The following NEB variants were observed in gnomAD, a reference collection of about 807,000 sequenced individuals.
The protein encoded by NEB is nemaline myopathy type 2.
NEB carries 512 observed loss-of-function variants against 952.2 expected under a neutral mutation model. The ratio of observed to expected loss-of-function variants is 0.54; its 90% CI spans 0.50 to 0.58. The LOEUF (loss-of-function observed/expected upper bound fraction) is 0.58. Ranked by LOEUF, NEB falls within the 20% of genes least tolerant of loss-of-function variation. The pLI is 0.00. For synonymous variants in NEB, 2,900 were observed against 3,149.8 expected (o/e 0.92, Z 2.66); for missense variants, 8,428 against 9,231.1 (o/e 0.91, Z 3.56).
chr2:151,524,654 CTTTTTTTT>C (rs5835371), intron 151 of NEB, 38 bp from the exon 152 acceptor site: 65 of 257,284 alleles, frequency 2.5e-4, no homozygotes, highest in South Asian at 5.4e-4. Context: ...AAGAGAGAGG[CTTTTTTTT>C]TTTTTTTTTT....
chr2:151,583,830 A>C (rs1352284971), intron 100 of NEB, 64 bp from the exon 101 acceptor site: 1 of 441,754 alleles, frequency 2.3e-6, no homozygotes, highest in Non-Finnish European at 3.9e-6. Context: ...GGGGTTTTCT[A>C]ATTTAAATGG....
In NEB at chr2:151,618,333, C is replaced by T. The variant is rs746072690; in HGVS notation, c.11018G>A (p.Ser3673Asn). 3 of 1,613,984 alleles carry T rather than the reference C, an allele frequency of 1.9e-6. No homozygotes were observed. The South Asian group carries it at 3.3e-5, about 18-fold the overall frequency. Residue 3673 changes from serine (S) to asparagine (N), a missense_variant, in exon 74 of 182, where the codon AGT (serine) becomes AAT (asparagine). By Grantham distance (46) the Ser-to-Asn change is conservative (BLOSUM62 1). This residue lies in a region of NEB where 1,772 missense variants were observed against 1,960.3 expected (regional missense o/e 0.90). Coordinates refer to ENST00000397345, the MANE Select transcript of NEB (RefSeq NM_001164508.2). ...RQRPETLKFT[S>N]ITDTPEQVLA... ...CACCTGCTCCGGAGTGTCCGTTATA[C>T]TGGTAAATTTCAGCGTTTCTGGACG...
At chr2:151,487,741 T>A (rs1237686585) in intron 181 of NEB, among the ~76,000 whole-genome samples, 1 of 152,048 alleles carries the variant, frequency 6.6e-6, no homozygotes. Context: ...GGCATGTGTG[T>A]TTAAACTTAT....
At chr2:151,517,967 CTGTT>C (rs1423731064) in intron 156 of NEB, among the ~76,000 whole-genome samples, 1 of 152,138 alleles carries the variant, frequency 6.6e-6, no homozygotes, top group East Asian at 1.9e-4. Context: ...TATCACTTCT[CTGTT>C]TGAAATCTTC....
At chr2:151,552,534 A>AGT in intron 128 of NEB, 138 bp downstream of exon 128, 1 of 606,258 alleles carries the variant, frequency 1.6e-6, no homozygotes, top group South Asian at 2.2e-5. Flanking sequence ...CAGCATCTTC[A>AGT]GTGCTTTCAA....
chr2:151,668,873 G>A (rs577091219), intron 39 of NEB, among the ~76,000 whole-genome samples, 154 bp downstream of exon 39: 6 of 151,794 alleles, frequency 4.0e-5, no homozygotes, highest in Admixed American at 6.6e-5. Flanking sequence ...TTTTATTGCC[G>A]CCCCCTAGGC....
At chr2:151,564,056 C>T in intron 117 of NEB, 126 bp from the exon 118 acceptor site, 1 of 669,934 alleles carries the variant, frequency 1.5e-6, no homozygotes, top group Non-Finnish European at 2.6e-6. Flanking sequence ...TTATCTATAG[C>T]CATTAGTGCA....
chr2:151,557,116 G>A (rs1577384951), intron 124 of NEB, among the ~76,000 whole-genome samples: 1 of 151,990 alleles, frequency 6.6e-6, no homozygotes, highest in African/African-American at 2.4e-5. Flanking sequence ...TAGATAGACT[G>A]CTAGCAAGAC....
chr2:151,686,759 A>G (rs1050978516), intron 27 of NEB, among the ~76,000 whole-genome samples: 6 of 152,208 alleles, frequency 3.9e-5, no homozygotes, highest in Non-Finnish European at 8.8e-5. Flanking sequence ...AACATTTTAT[A>G]CACAATATAT....
rs1410545490 is a variant in NEB, at chr2:151,710,416, C to T, written c.927+18G>A. 6.4e-7 allele frequency: 1 copy of T among 1,562,624 alleles called. No homozygotes were observed. The highest frequency in any genetic ancestry group is 1.2e-5 in the South Asian group (1 of 86,686). On this transcript the variant is annotated intron_variant, in intron 11 of 181. Transcript: ENST00000397345. ...CTCCCTCCCAGGATGACCAACCAGC[C>T]ATCCCTTCCCACTTAACTGTGCTAA... is the stretch of plus-strand genomic sequence containing the variant.
rs1483543704 is a variant in NEB, at chr2:151,553,846, G to A, written c.19608C>T (p.Val6536=). 20 of 1,612,782 alleles carry A rather than the reference G, an allele frequency of 1.2e-5. No homozygotes were observed. The highest frequency in any genetic ancestry group is 1.5e-5 in the Non-Finnish European group (18 of 1,179,164). ...GGCTTACATCGCTGATCTGATCTGT[G>A]ACTTTCCTGACGTGATCATTGACTT... ...DLQVNDHVRK[V]TDQISDIVYK... Residue 6536 remains valine, a synonymous_variant, in exon 126 of 182, where the codon GTC becomes GTT. Transcript: ENST00000397345.
At chr2:151,630,267 ACTT>A (rs2098637371) in intron 67 of NEB, among the ~76,000 whole-genome samples, 1 of 152,184 alleles carries the variant, frequency 6.6e-6, no homozygotes, top group Non-Finnish European at 1.5e-5. Context: ...GATAGAGAAC[ACTT>A]CTTCCTTATG....
At chr2:151,559,403 A>G (rs1363726044) in intron 124 of NEB, among the ~76,000 whole-genome samples, 1 of 152,180 alleles carries the variant, frequency 6.6e-6, no homozygotes, top group African/African-American at 2.4e-5. Flanking sequence ...AGGATCTAGA[A>G]CTAGAAATAC....
chr2:151,555,617 C>G (rs1314038674), intron 124 of NEB, among the ~76,000 whole-genome samples: 1 of 151,980 alleles, frequency 6.6e-6, no homozygotes, highest in Non-Finnish European at 1.5e-5. Context: ...TTATATAAAC[C>G]AGGTTAAGAC....
intron 160 of NEB, among the ~76,000 whole-genome samples, chr2:151,513,254 A>T (rs996470511): frequency 7.2e-5 from 11 of 152,216 alleles, no homozygotes; most frequent in African/African-American, 2.7e-4. Flanking sequence ...TAAGCAAGGA[A>T]TTCCTGGCAT....
chr2:151,547,588 T>A lies in NEB; in HGVS notation c.20262+46A>T, dbSNP rs1170435039. On this transcript the variant is annotated intron_variant, in intron 132 of 181. Coordinates refer to ENST00000397345, the MANE Select transcript of NEB (RefSeq NM_001164508.2). ...TGTATTAGAGACCGAATGATTAACA[T>A]TCATCCCTAGTCTCTACTCCCTGTC... 1.9e-6 allele frequency: 3 copies of A among 1,604,780 alleles called. No homozygotes were observed. In the African/African-American group the frequency reaches 4.0e-5, roughly 21 times the overall value.
chr2:151,485,805 A>T lies in NEB; in HGVS notation c.25533T>A (p.Thr8511=), dbSNP rs767629927. The change falls in exon 182 of 182, where the codon ACT becomes ACA. Residue 8511 remains threonine, a synonymous_variant. Coordinates refer to ENST00000397345, the MANE Select transcript of NEB (RefSeq NM_001164508.2). ...EGWMYGTVQR[T]GRTGMLPANY... ...TGGCTGGGAGCATTCCGGTCCTGCCAGTCCTCTGCACAGTGCCATACATCC... is the reference window on the plus strand; with the variant it reads ...TGGCTGGGAGCATTCCGGTCCTGCCTGTCCTCTGCACAGTGCCATACATCC... The T allele has an allele frequency of 6.2e-7, 1 of 1,613,708 alleles. No homozygotes were observed. The highest frequency in any genetic ancestry group is 8.5e-7 in the Non-Finnish European group (1 of 1,179,660).
Position 151,485,600 on chromosome 2 carries a change from T to C in NEB, c.*160A>G, listed in dbSNP as rs186312965. On this transcript the variant is annotated 3_prime_UTR_variant, in exon 182 of 182. Coordinates refer to ENST00000397345, the MANE Select transcript of NEB (RefSeq NM_001164508.2). ...TTTAAAGTGTCTGTTCTGCAACTTA[T>C]TTTAAAACCCAAAGGAGAAAGGATG... The C allele has an allele frequency of 3.3e-6, 2 of 606,870 alleles. No homozygotes were observed. Among genetic ancestry groups the C allele is most frequent in the African/African-American group, 1.8e-5 (1 of 54,952 alleles). The allele number at this position is 606,870 out of a possible 1,614,324, so 37.6% of individuals were successfully genotyped here.
chr2:151,514,395 G>A lies in NEB; in HGVS notation c.23050C>T (p.Arg7684Cys), dbSNP rs762019205. 8 of 1,613,334 alleles carry A rather than the reference G, an allele frequency of 5.0e-6. No individual in the cohort carries two copies. The highest frequency in any genetic ancestry group is 1.6e-4 in the Middle Eastern group (1 of 6,084). The change falls in exon 159 of 182, where the codon CGT (arginine) becomes TGT (cysteine). Residue 7684 changes from arginine (R) to cysteine (C), a missense_variant. This residue lies in a region of NEB where 3,374 missense variants were observed against 3,651.5 expected (regional missense o/e 0.92). Transcript: ENST00000397345. ...TCCATTTCAGTGAGGCCCTTCCCAC[G>A]GATGCTTTCCTCTAGATCTTTCCTG... is the stretch of plus-strand genomic sequence containing the variant. The part of the protein sequence containing the change: ...EYRKDLEESI[R>C]GKGLTEMEDT...
Sources: gnomAD v4.1 joint callset for allele counts (sites outside exome capture counted in the v4.1 genomes callset) on GRCh38, gnomAD v4.1.1 for gene constraint, gnomAD v4.1.1 regional missense constraint, MANE v1.5 for transcripts, NCBI Gene and HGNC (gene_info 2026-07-23, HGNC 2026-07-21) for gene names.